PAFAH1B2: variants seen among roughly 807,000 people sequenced by gnomAD.
PAFAH1B2 encodes the protein platelet activating factor acetylhydrolase 1b catalytic subunit 2.
In PAFAH1B2, 8 loss-of-function variants were observed where a neutral mutation model predicts 28.0. The observed-to-expected ratio is 0.29, with a 90% CI of 0.17 to 0.52. The LOEUF is 0.52. Among genes scored for constraint, PAFAH1B2 ranks in the 20% least tolerant of loss-of-function variants. The pLI, the probability that PAFAH1B2 is intolerant of heterozygous loss-of-function variation, is 0.97. For missense variants in PAFAH1B2, 190 were observed against 282.6 expected (o/e 0.67, Z 2.35); for synonymous variants, 104 against 103.2 (o/e 1.01, Z -0.05).
downstream of PAFAH1B2, chr11:117,175,569 G>A: frequency 4.5e-6 from 5 of 1,120,628 alleles, no homozygotes; most frequent in Non-Finnish European, 4.4e-6. Flanking sequence ...TATTGCCAGC[G>A]GAAAGGGAGC....
At chr11:117,176,043 G>T, downstream of PAFAH1B2, 1 of 896,452 alleles carries the variant, frequency 1.1e-6, no homozygotes, top group Non-Finnish European at 1.8e-6. Flanking sequence ...TTGCCATCCT[G>T]AGGATTCTCT....
intron 2 of PAFAH1B2, among the ~76,000 whole-genome samples, chr11:117,152,989 C>T (rs1956185824): frequency 6.6e-6 from 1 of 152,168 alleles, no homozygotes; most frequent in African/African-American, 2.4e-5. Flanking sequence ...TCGCTTGAAC[C>T]CAGGAGGCGG....
At chr11:117,171,592 C>T (rs930058706), downstream of PAFAH1B2, 2 of 831,958 alleles carry the variant, frequency 2.4e-6, no homozygotes, top group South Asian at 1.4e-5. Flanking sequence ...ACCTTGAGCA[C>T]GGACTCATTT....
At chr11:117,175,117 T>A, downstream of PAFAH1B2, 1 of 1,241,602 alleles carries the variant, frequency 8.1e-7, no homozygotes, top group Non-Finnish European at 1.0e-6. Context: ...CAGGGAAATA[T>A]AAGTCAAATA....
At chr11:117,163,256 G>A (rs1480049694) in intron 4 of PAFAH1B2, among the ~76,000 whole-genome samples, 1 of 152,178 alleles carries the variant, frequency 6.6e-6, no homozygotes, top group Non-Finnish European at 1.5e-5. Context: ...AGGAGTTTAA[G>A]ACCAGCCTGG....
chr11:117,160,088 C>G, intron 3 of PAFAH1B2, 65 bp downstream of exon 3: 1 of 1,107,626 alleles, frequency 9.0e-7, no homozygotes, highest in South Asian at 1.2e-5. Context: ...TACTAACAGA[C>G]TTTCATTCTG....
At position 117,159,946 on chromosome 11, in the gene PAFAH1B2, G is replaced by C. The variant is rs137982207; in HGVS notation, c.94G>C (p.Val32Leu). ...DRWMSQHNRF[V>L]LDCKDKEPDV... ...TTCTTCAAACCAGCACAACAGATTT[G>C]TTTTGGACTGTAAAGACAAAGAGCC... The change falls in exon 3 of 6, where the codon GTT (valine) becomes CTT (leucine). Residue 32 changes from valine (V) to leucine (L), a missense_variant. By Grantham distance (32) the Val-to-Leu change is conservative. Coordinates refer to ENST00000527958, the MANE Select transcript of PAFAH1B2 (RefSeq NM_002572.4). 1.9e-4 allele frequency: 299 copies of C among 1,612,838 alleles called. No homozygotes were observed. Among genetic ancestry groups the C allele is most frequent in the Non-Finnish European group, 2.4e-4 (288 of 1,179,152 alleles).
Position 117,167,932 on chromosome 11 carries a change from A to C in PAFAH1B2, c.*233A>C. 1 of 1,153,996 alleles carries C rather than the reference A, an allele frequency of 8.7e-7. No individual in the cohort carries two copies. Among genetic ancestry groups the C allele is most frequent in the Non-Finnish European group, 1.1e-6 (1 of 937,926 alleles). The allele number at this position is 1,153,996 out of a possible 1,614,324, so 71.5% of individuals were successfully genotyped here. On this transcript the variant is annotated 3_prime_UTR_variant, in exon 6 of 6. Coordinates refer to ENST00000527958, the MANE Select transcript of PAFAH1B2 (RefSeq NM_002572.4). ...TTGTTGTTTAAATTCATTTGAAACC[A>C]GAAGGGGACTTTTTAGTTGTATGTG...
chr11:117,163,035 T>A (rs1185654813), intron 4 of PAFAH1B2, among the ~76,000 whole-genome samples: 1 of 152,244 alleles, frequency 6.6e-6, no homozygotes, highest in Non-Finnish European at 1.5e-5. Context: ...TTGTATAATT[T>A]TTGGATTTTG....
At chr11:117,149,113 C>A (rs879615326) in intron 1 of PAFAH1B2, among the ~76,000 whole-genome samples, 8 of 148,872 alleles carry the variant, frequency 5.4e-5, no homozygotes, top group Non-Finnish European at 1.0e-4. Context: ...GAACTTCTGA[C>A]CTCAGGTAAT....
intron 2 of PAFAH1B2, among the ~76,000 whole-genome samples, chr11:117,158,261 C>A (rs914276531): frequency 9.2e-5 from 14 of 152,086 alleles, no homozygotes; most frequent in African/African-American, 3.4e-4. Flanking sequence ...AGGCTGGTCT[C>A]GAATGCCTGG....
At chr11:117,171,528 T>A (rs1166443652), downstream of PAFAH1B2, 62 of 572,506 alleles carry the variant, frequency 1.1e-4, 2 homozygotes, top group Middle Eastern at 3.0e-4. Context: ...AGAGCGAGAC[T>A]CTTGTCTCGG....
chr11:117,166,917 G>A (rs1014313253), intron 5 of PAFAH1B2, among the ~76,000 whole-genome samples: 1 of 152,164 alleles, frequency 6.6e-6, no homozygotes, highest in African/African-American at 2.4e-5. Flanking sequence ...CTATAGCAGT[G>A]TATATAATCA....
downstream of PAFAH1B2, among the ~76,000 whole-genome samples, chr11:117,173,432 C>T (rs1295682583): frequency 6.6e-6 from 1 of 152,170 alleles, no homozygotes; most frequent in East Asian, 1.9e-4. Flanking sequence ...GACAAGGCTC[C>T]CAAAAGGCTC....
chr11:117,148,684 A>G (rs570757986), intron 1 of PAFAH1B2, among the ~76,000 whole-genome samples: 1 of 152,244 alleles, frequency 6.6e-6, no homozygotes, highest in East Asian at 1.9e-4. Flanking sequence ...GCTACTTGGG[A>G]AGCTGAGGCA....
At chr11:117,174,494 CT>C (rs71037472), downstream of PAFAH1B2, among the ~76,000 whole-genome samples, 67,341 of 143,554 alleles carry the variant, frequency 0.47, 17,794 homozygotes, top group Non-Finnish European at 0.62. Context: ...ATTTTTTTTT[CT>C]TTTTTTTTAG....
chr11:117,171,248 C>T (rs1005645448), downstream of PAFAH1B2, among the ~76,000 whole-genome samples: 1 of 152,042 alleles, frequency 6.6e-6, no homozygotes, highest in Admixed American at 6.6e-5. Context: ...GTATAAGGAC[C>T]CCTCAGAAAG....
In PAFAH1B2 at chr11:117,163,895, A is replaced by G. The variant is rs1334156688; in HGVS notation, c.411+3A>G. 1 of 1,613,500 alleles carries G rather than the reference A, an allele frequency of 6.2e-7. No individual in the cohort carries two copies. Among genetic ancestry groups the G allele is most frequent in the Admixed American group, 1.7e-5 (1 of 59,954 alleles). On this transcript the variant is annotated splice_donor_region_variant and intron_variant, in intron 5 of 5. Transcript: ENST00000527958. ...CACAGGCCAAAATCATTGTATTGGT[A>G]TGTAGTCGTTGGTGGGTAGAGAGTT...
chr11:117,147,048 C>A (rs918037178), intron 1 of PAFAH1B2, among the ~76,000 whole-genome samples: 2 of 151,996 alleles, frequency 1.3e-5, no homozygotes, highest in Admixed American at 6.6e-5. Flanking sequence ...GTGGGCGGAT[C>A]ACCTGATGTC....
Sources: gnomAD v4.1 joint callset for allele counts (sites outside exome capture counted in the v4.1 genomes callset) on GRCh38, gnomAD v4.1.1 for gene constraint, MANE v1.5 for transcripts, NCBI Gene and HGNC (gene_info 2026-07-23, HGNC 2026-07-21) for gene names.